RBBP8: variants seen among roughly 807,000 people sequenced by gnomAD.
The protein encoded by RBBP8 is RB binding protein 8, endonuclease.
A neutral mutation model predicts 108.3 loss-of-function variants in RBBP8; 88 were observed. The ratio of observed to expected loss-of-function variants is 0.81; its 90% CI spans 0.68 to 0.97. The LOEUF is 0.97. Among genes scored for constraint, RBBP8 ranks in the 50% least tolerant of loss-of-function variants. RBBP8 has a pLI of 0.00. For synonymous variants in RBBP8, 332 were observed against 348.2 expected, an observed-to-expected ratio of 0.95 and a Z score of 0.52; for missense variants, 1,023 against 1,049.0, an observed-to-expected ratio of 0.98 and a Z score of 0.34.
intron 6 of RBBP8, among the ~76,000 whole-genome samples, chr18:22,980,436 A>G (rs1914828516): frequency 6.6e-6 from 1 of 152,192 alleles, no homozygotes; most frequent in South Asian, 2.1e-4. Flanking sequence ...TTAGGTATGT[A>G]GGTATCTGGG....
At chr18:22,971,812 A>T (rs1914108161) in intron 5 of RBBP8, among the ~76,000 whole-genome samples, 1 of 150,826 alleles carries the variant, frequency 6.6e-6, no homozygotes, top group Non-Finnish European at 1.5e-5. Flanking sequence ...CGCCCAGCTA[A>T]TTTTTTGTAT....
rs114929929 is a variant in RBBP8, at chr18:22,996,806, G to C, written c.2028+344G>C. ...GAAGCCAGGAATTCGAGACCAGCCT[G>C]GGCAATATAGCAAGGCCCTGTCTCT... On this transcript the variant is annotated intron_variant, in intron 13 of 18. Coordinates refer to ENST00000327155, the MANE Select transcript of RBBP8 (RefSeq NM_002894.3). 4.3e-3 allele frequency among the ~76,000 whole-genome samples: 648 copies of C among 152,234 alleles called. 8 individuals are homozygous for C. The highest frequency in any genetic ancestry group is 0.015 in the African/African-American group (627 of 41,542).
chr18:23,016,965 C>T (rs1345671176), intron 17 of RBBP8, 41 bp downstream of exon 17: 2 of 1,353,802 alleles, frequency 1.5e-6, no homozygotes, highest in South Asian at 1.2e-5. Context: ...TTAAGTACGG[C>T]TTTATAGATA....
chr18:23,021,938 A>C (rs1300800783), intron 17 of RBBP8, among the ~76,000 whole-genome samples, 191 bp from the exon 18 acceptor site: 1 of 152,112 alleles, frequency 6.6e-6, no homozygotes, highest in Non-Finnish European at 1.5e-5. Context: ...CAACATCAGC[A>C]CTGATTACTG....
At chr18:22,941,983 C>T (rs965113639) in intron 2 of RBBP8, among the ~76,000 whole-genome samples, 1 of 152,078 alleles carries the variant, frequency 6.6e-6, no homozygotes, top group Non-Finnish European at 1.5e-5. Flanking sequence ...GCCATGCCTT[C>T]GTCAATATGT....
intron 4 of RBBP8, among the ~76,000 whole-genome samples, chr18:22,954,711 A>C (rs1912357383): frequency 6.6e-6 from 1 of 152,158 alleles, no homozygotes. Flanking sequence ...TGGAGGCTCC[A>C]ACCCAACATT....
intron 4 of RBBP8, among the ~76,000 whole-genome samples, chr18:22,952,732 T>G (rs890813180): frequency 1.1e-4 from 17 of 152,190 alleles, no homozygotes; most frequent in African/African-American, 4.1e-4. Flanking sequence ...ATCTGTAGTG[T>G]GGTGAGGCGC....
chr18:22,988,879 A>G (rs1266375202), intron 8 of RBBP8, among the ~76,000 whole-genome samples: 4 of 152,242 alleles, frequency 2.6e-5, no homozygotes, highest in Non-Finnish European at 4.4e-5. Context: ...ATATAGTTTG[A>G]TATTCATGCT....
chr18:23,001,035 A>G (rs1436965603), intron 14 of RBBP8, among the ~76,000 whole-genome samples: 1 of 152,210 alleles, frequency 6.6e-6, no homozygotes, highest in Non-Finnish European at 1.5e-5. Flanking sequence ...TACATGCATT[A>G]CATCTGTTCA....
chr18:22,937,991 A>G (rs1230235386), intron 2 of RBBP8, among the ~76,000 whole-genome samples: 2 of 149,574 alleles, frequency 1.3e-5, no homozygotes, highest in Non-Finnish European at 3.0e-5. Flanking sequence ...ACGCCCAGCT[A>G]ATTTTATGTA....
intron 3 of RBBP8, among the ~76,000 whole-genome samples, chr18:22,927,299 G>A (rs1909824868): frequency 6.6e-6 from 1 of 152,152 alleles, no homozygotes; most frequent in Admixed American, 6.5e-5. Context: ...TTTATGCCTG[G>A]AGACACAGGC....
At chr18:22,921,561 T>C (rs2084146843) in intron 3 of RBBP8, among the ~76,000 whole-genome samples, 2 of 152,210 alleles carry the variant, frequency 1.3e-5, no homozygotes, top group African/African-American at 2.4e-5. Flanking sequence ...CATCATGTTA[T>C]AGGACAAATG....
rs1232666107 is a variant in RBBP8, at chr18:23,006,423, G to A, written c.2348G>A (p.Gly783Asp). ...GCGTTTGTGGAGCCGTATTTTAAAG[G>A]TGATGAAAGGTAAGTTGGTTTTTAT... ...QKAFVEPYFK[G>D]DERETSLQNF... The change falls in exon 16 of 19, where the codon GGT becomes GAT. Residue 783 changes from glycine to aspartate, a missense_variant. Gly to Asp is a moderately conservative substitution (Grantham distance 94). Coordinates refer to ENST00000327155, the MANE Select transcript of RBBP8 (RefSeq NM_002894.3). 25 of 1,612,384 alleles carry A rather than the reference G, an allele frequency of 1.6e-5. No homozygotes were observed. The highest frequency in any genetic ancestry group is 2.0e-5 in the Non-Finnish European group (24 of 1,178,652).
At chr18:22,993,926 T>G (rs2045798266) in intron 12 of RBBP8, 79 bp downstream of exon 12, 14 of 1,455,838 alleles carry the variant, frequency 9.6e-6, no homozygotes, top group Non-Finnish European at 1.2e-5. Context: ...TTAAATAGAT[T>G]GAATTGTTTT....
At chr18:22,974,709 C>T (rs1469112102) in intron 5 of RBBP8, among the ~76,000 whole-genome samples, 3 of 152,176 alleles carry the variant, frequency 2.0e-5, no homozygotes, top group Non-Finnish European at 2.9e-5. Context: ...ATCCACCCAC[C>T]TCCGCCTCTG....
Position 22,961,820 on chromosome 18 carries a change from G to A in RBBP8, c.249-6986G>A, listed in dbSNP as rs376613169. Among the ~76,000 whole-genome samples the A allele has an allele frequency of 7.2e-5, 11 of 152,158 alleles. No homozygotes were observed. The East Asian group carries it at 9.6e-4, about 13-fold the overall frequency. On this transcript the variant is annotated intron_variant, in intron 4 of 18. Coordinates refer to ENST00000327155, the MANE Select transcript of RBBP8 (RefSeq NM_002894.3). The stretch of plus-strand genomic sequence containing the variant: ...GCTTCTGAGCAGATTCCCGGGCCCC[G>A]TCCCTGCAGATTCTAATTCAGTTGA...
chr18:23,003,981 C>T (rs556031380), intron 15 of RBBP8, among the ~76,000 whole-genome samples: 79 of 142,802 alleles, frequency 5.5e-4, no homozygotes, highest in African/African-American at 1.9e-3. Context: ...AGCGTGAACC[C>T]GGGAGGTGGA....
At chr18:22,946,579 C>G in intron 3 of RBBP8, 93 bp downstream of exon 3, 2 of 1,536,528 alleles carry the variant, frequency 1.3e-6, no homozygotes, top group Non-Finnish European at 8.8e-7. Flanking sequence ...ATACTGATGT[C>G]CAATTTGACC....
chr18:22,978,050 A>G (rs1399393295), intron 6 of RBBP8, among the ~76,000 whole-genome samples: 1 of 152,222 alleles, frequency 6.6e-6, no homozygotes, highest in African/African-American at 2.4e-5. Context: ...GTGGAGCAGT[A>G]CTGCCACCTC....
Sources: gnomAD v4.1 joint callset for allele counts (sites outside exome capture counted in the v4.1 genomes callset) on GRCh38, gnomAD v4.1.1 for gene constraint, MANE v1.5 for transcripts, NCBI Gene and HGNC (gene_info 2026-07-23, HGNC 2026-07-21) for gene names.